The following IPP variants were observed in gnomAD, a reference collection of about 807,000 sequenced individuals.
IPP encodes intracisternal A particle-promoted polypeptide, also known as actin-binding protein IPP.
Under a neutral mutation model 64.1 loss-of-function variants are expected in IPP, and 41 were observed. The observed-to-expected ratio is 0.64, with a 90% CI of 0.50 to 0.83. IPP has a LOEUF of 0.83. Among genes scored for constraint, IPP ranks in the 40% least tolerant of loss-of-function variants. The pLI, the probability that IPP is intolerant of heterozygous loss-of-function variation, is 0.00. For synonymous variants in IPP, 214 were observed against 235.2 expected (o/e 0.91, Z 0.83); for missense variants, 649 against 703.0 (o/e 0.92, Z 0.87).
Position 45,698,993 on chromosome 1 carries a change from C to T in IPP, c.*973G>A, listed in dbSNP as rs1272224778. On this transcript the variant is annotated 3_prime_UTR_variant, in exon 9 of 9. Transcript: ENST00000396478. ...CGTCTCACCTCGGCCTCTCAAAGTG[C>T]TGGGATTACAGGTGTGAGCCACCAT... is the stretch of plus-strand genomic sequence containing the variant. 6 of 966,716 alleles carry T rather than the reference C, an allele frequency of 6.2e-6. No homozygotes were observed. Among genetic ancestry groups the T allele is most frequent in the Non-Finnish European group, 6.2e-6 (5 of 812,964 alleles). 59.9% of individuals were successfully genotyped at this position (966,716 alleles called of 1,614,324 possible).
chr1:45,746,473 A>T lies in IPP; in HGVS notation c.-50-12T>A. The T allele has an allele frequency of 5.1e-6, 7 of 1,363,152 alleles. No individual in the cohort carries two copies. The South Asian group carries it at 9.4e-5, about 18-fold the overall frequency. 84.4% of individuals were successfully genotyped at this position (1,363,152 alleles called of 1,614,324 possible). A position where few individuals can be genotyped will look rare whatever the true frequency, so the allele number is the denominator to read the frequency against. On this transcript the variant is annotated splice_polypyrimidine_tract_variant and intron_variant, in intron 1 of 8. Transcript: ENST00000396478. Reference sequence around the variant, plus strand: ...AATCTGTTACTACCCTGAAAAACAAAATACAAAGAGATCAAGCAACAAAAT... The same window carrying T: ...AATCTGTTACTACCCTGAAAAACAATATACAAAGAGATCAAGCAACAAAAT...
At chr1:45,742,929 TTATTTTTTTA>T in intron 2 of IPP, among the ~76,000 whole-genome samples, 1 of 136,574 alleles carries the variant, frequency 7.3e-6, no homozygotes, top group African/African-American at 3.7e-5. Context: ...TTTCTTTTTT[TTATTTTTTTA>T]TTTTTTTATT....
intron 3 of IPP, among the ~76,000 whole-genome samples, chr1:45,731,782 A>G (rs1378820735): frequency 6.6e-6 from 1 of 151,996 alleles, no homozygotes. Context: ...TAAAAAATAC[A>G]AAAATTAGCC....
chr1:45,710,986 T>C (rs1645582133), intron 8 of IPP, among the ~76,000 whole-genome samples: 1 of 123,090 alleles, frequency 8.1e-6, no homozygotes, highest in Non-Finnish European at 1.7e-5. Flanking sequence ...ACCACTGCAC[T>C]CTAGCCTGGG....
intron 3 of IPP, among the ~76,000 whole-genome samples, chr1:45,732,380 A>AAAAAAC (rs1491248626): frequency 2.7e-5 from 4 of 147,546 alleles, no homozygotes; most frequent in African/African-American, 1.0e-4. Flanking sequence ...AAAAAAAAAA[A>AAAAAAC]CACAAAAAAC....
chr1:45,726,764 C>T (rs753298836), intron 5 of IPP, among the ~76,000 whole-genome samples: 10 of 146,364 alleles, frequency 6.8e-5, no homozygotes, highest in Non-Finnish European at 1.2e-4. Flanking sequence ...GCTCTTGTTG[C>T]CCAGGCTGGA....
chr1:45,748,718 T>A (rs1045446929), intron 1 of IPP, among the ~76,000 whole-genome samples: 4 of 151,962 alleles, frequency 2.6e-5, no homozygotes, highest in Non-Finnish European at 5.9e-5. Flanking sequence ...ACGCCTTTAA[T>A]CCCAGCACTT....
chr1:45,725,300 C>T (rs1645804710), intron 5 of IPP, among the ~76,000 whole-genome samples: 2 of 137,906 alleles, frequency 1.5e-5, no homozygotes, highest in Non-Finnish European at 3.2e-5. Context: ...AGTGAGGAGC[C>T]CCTCTGCCCG....
chr1:45,694,693 TTTTCCAGTTTTTATTAGGA>T (rs1645371806), downstream of IPP: 8 of 531,162 alleles, frequency 1.5e-5, no homozygotes, highest in East Asian at 2.5e-4. Context: ...GTTGGACATG[TTTTCCAGTTTTTATTAGGA>T]TATTTGGCAT....
chr1:45,698,658 A>G (rs117511683), downstream of IPP: 127 of 974,938 alleles, frequency 1.3e-4, no homozygotes, highest in East Asian at 0.013. Flanking sequence ...CCCTCTTCCT[A>G]AAGCCAAACA....
rs762267700 is a variant in IPP at position 45,719,268 on chromosome 1, G to C, written c.1121C>G (p.Ala374Gly). Residue 374 changes from alanine to glycine, a missense_variant, in exon 6 of 9, where the codon GCT becomes GGT. Ala to Gly is a moderately conservative substitution (Grantham distance 60). Transcript: ENST00000396478. ...GCCGCAGCGGGGATGATTCATCGAA[G>C]CTACAGTTGTCCACTGTTTAGTAAC... The part of the protein sequence containing the change: ...DPVTKQWTTV[A>G]SMNHPRCGLG... 1.2e-6 allele frequency: 2 copies of C among 1,613,336 alleles called. No homozygotes were observed. The highest frequency in any genetic ancestry group is 1.7e-6 in the Non-Finnish European group (2 of 1,179,494).
intron 2 of IPP, among the ~76,000 whole-genome samples, 177 bp from the exon 3 acceptor site, chr1:45,741,509 C>T (rs1466208711): frequency 6.6e-6 from 1 of 152,028 alleles, no homozygotes; most frequent in Non-Finnish European, 1.5e-5. Flanking sequence ...ATAACGATAC[C>T]TAACACATTT....
chr1:45,705,251 T>A (rs1645500749), intron 8 of IPP, among the ~76,000 whole-genome samples: 1 of 152,250 alleles, frequency 6.6e-6, no homozygotes. Flanking sequence ...GTGTACATCT[T>A]GGTTTCTAAA....
In IPP at chr1:45,746,304, G is replaced by A. The variant is rs750008984; in HGVS notation, c.108C>T (p.Phe36=). 1 of 1,614,166 alleles carries A rather than the reference G, an allele frequency of 6.2e-7. No individual in the cohort carries two copies. The highest frequency in any genetic ancestry group is 1.1e-5 in the South Asian group (1 of 91,084). ...GTCCAACTTGCAGCTGCACATCACAGAAATGCTGTCCATTTCTCATCTTAT... is the reference window on the plus strand; with the variant it reads ...GTCCAACTTGCAGCTGCACATCACAAAAATGCTGTCCATTTCTCATCTTAT... ...QINKMRNGQH[F]CDVQLQVGQE... The change falls in exon 2 of 9, where the codon TTC becomes TTT. Residue 36 remains phenylalanine, a synonymous_variant. Transcript: ENST00000396478.
chr1:45,694,814 T>C (rs1480089084), downstream of IPP: 1 of 218,754 alleles, frequency 4.6e-6, no homozygotes, highest in African/African-American at 2.3e-5. Flanking sequence ...ATAAAGCCAC[T>C]AGTACATATA....
At chr1:45,737,976 T>C (rs1468978758) in intron 3 of IPP, among the ~76,000 whole-genome samples, 7 of 152,220 alleles carry the variant, frequency 4.6e-5, no homozygotes, top group Non-Finnish European at 4.4e-5. Context: ...TGTTCTACTT[T>C]ATTATTAGCT....
chr1:45,741,604 T>C (rs1330317870), intron 2 of IPP, among the ~76,000 whole-genome samples: 2 of 148,876 alleles, frequency 1.3e-5, no homozygotes, highest in African/African-American at 5.0e-5. Flanking sequence ...GTGGTAGATA[T>C]TATTATTTTT....
chr1:45,720,190 C>G (rs1242960488), intron 5 of IPP, among the ~76,000 whole-genome samples: 1 of 152,128 alleles, frequency 6.6e-6, no homozygotes, highest in African/African-American at 2.4e-5. Context: ...ATCCTCCTGC[C>G]TCAGCCTCCC....
At chr1:45,728,554 G>A (rs989426664) in intron 4 of IPP, among the ~76,000 whole-genome samples, 2 of 151,806 alleles carry the variant, frequency 1.3e-5, no homozygotes, top group African/African-American at 4.8e-5. Flanking sequence ...GAGTGCAGTG[G>A]TACAATCTCT....
Sources: allele counts gnomAD v4.1 joint callset (sites outside exome capture counted in the v4.1 genomes callset), GRCh38; gene constraint gnomAD v4.1.1; transcripts MANE v1.5; gene names NCBI Gene and HGNC (gene_info 2026-07-23, HGNC 2026-07-21).